The following FGF12 variants were observed in gnomAD, a reference collection of about 807,000 sequenced individuals.
FGF12 encodes fibroblast growth factor 12B.
FGF12 carries 14 observed loss-of-function variants against 23.6 expected under a neutral mutation model. The observed-to-expected ratio is 0.59, with a 90% CI of 0.39 to 0.93. The LOEUF (loss-of-function observed/expected upper bound fraction) is 0.93, where lower values mean the gene tolerates loss of function less well. Among genes scored for constraint, FGF12 ranks in the 40% least tolerant of loss-of-function variants. The pLI is 0.00. For missense variants in FGF12, 175 were observed against 217.8 expected (o/e 0.80, Z 1.24); for synonymous variants, 62 against 77.3 (o/e 0.80, Z 1.04).
chr3:192,519,808 A>G (rs900956182), intron 2 of FGF12, among the ~76,000 whole-genome samples: 1 of 152,160 alleles, frequency 6.6e-6, no homozygotes, highest in African/African-American at 2.4e-5. Flanking sequence ...GGCCTCAAGG[A>G]TATTTATTCT....
chr3:192,726,962 G>T, intron 2 of FGF12: 1 of 600,372 alleles, frequency 1.7e-6, no homozygotes, highest in Non-Finnish European at 2.9e-6. Context: ...AGTTCACTAC[G>T]CAACTGATGG....
chr3:192,608,759 T>A (rs189771408), intron 2 of FGF12, among the ~76,000 whole-genome samples: 1 of 152,292 alleles, frequency 6.6e-6, no homozygotes, highest in East Asian at 1.9e-4. Context: ...AATTCAGCCC[T>A]CTGGGAAAAT....
At chr3:192,652,845 C>T (rs1716263683) in intron 2 of FGF12, among the ~76,000 whole-genome samples, 1 of 152,190 alleles carries the variant, frequency 6.6e-6, no homozygotes, top group Non-Finnish European at 1.5e-5. Context: ...AATCTACAGG[C>T]TAACTTTGTA....
intron 2 of FGF12, among the ~76,000 whole-genome samples, chr3:192,392,104 TAG>T (rs1175688417): frequency 1.3e-5 from 2 of 152,180 alleles, no homozygotes; most frequent in African/African-American, 2.4e-5. Flanking sequence ...GGAACTATTA[TAG>T]AGAGAAGGGA....
At chr3:192,667,291 C>T (rs1716920344) in intron 2 of FGF12, among the ~76,000 whole-genome samples, 1 of 151,978 alleles carries the variant, frequency 6.6e-6, no homozygotes, top group African/African-American at 2.4e-5. Flanking sequence ...GGAAAAAACC[C>T]ACATGAGCAG....
chr3:192,701,063 T>C (rs1319162330), intron 2 of FGF12, among the ~76,000 whole-genome samples: 1 of 152,208 alleles, frequency 6.6e-6, no homozygotes, highest in East Asian at 1.9e-4. Flanking sequence ...TTTTTAAGTC[T>C]GATAAAAGCT....
At position 192,142,942 on chromosome 3, in the gene FGF12, C is replaced by A. The variant is rs1460923; in HGVS notation, c.*1067G>T. The A allele has an allele frequency of 6.6e-6, 1 of 151,830 alleles. No homozygotes were observed. The highest frequency in any genetic ancestry group is 2.4e-5 in the African/African-American group (1 of 41,306). 9.4% of individuals were successfully genotyped at this position (151,830 alleles called of 1,614,324 possible). A position where few individuals can be genotyped will look rare whatever the true frequency, so the allele number is the denominator to read the frequency against. On this transcript the variant is annotated 3_prime_UTR_variant, in exon 6 of 6. Coordinates refer to ENST00000445105, the MANE Select transcript of FGF12 (RefSeq NM_004113.6). Reference sequence around the variant, plus strand: ...ATATAAGACTGTGGTAAGGTACAAACGCAAATGCAATTTGCGTTGACTAAT... The same window carrying A: ...ATATAAGACTGTGGTAAGGTACAAAAGCAAATGCAATTTGCGTTGACTAAT...
At chr3:192,315,508 T>C (rs890232102) in intron 4 of FGF12, among the ~76,000 whole-genome samples, 2 of 152,208 alleles carry the variant, frequency 1.3e-5, no homozygotes, top group African/African-American at 4.8e-5. Context: ...TTTTATGTTG[T>C]ATACTTCCCT....
At chr3:192,672,169 A>C (rs1433500784) in intron 2 of FGF12, among the ~76,000 whole-genome samples, 1 of 139,104 alleles carries the variant, frequency 7.2e-6, no homozygotes, top group Admixed American at 7.2e-5. Flanking sequence ...GTTTCATAGA[A>C]TCTCATAGTT....
At chr3:192,462,712 A>G (rs1379709273) in intron 2 of FGF12, among the ~76,000 whole-genome samples, 1 of 152,204 alleles carries the variant, frequency 6.6e-6, no homozygotes, top group Non-Finnish European at 1.5e-5. Context: ...CACTGAGAGG[A>G]CATTAGGTAC....
At chr3:192,226,193 C>T (rs1262960962) in intron 4 of FGF12, among the ~76,000 whole-genome samples, 2 of 152,148 alleles carry the variant, frequency 1.3e-5, no homozygotes, top group African/African-American at 4.8e-5. Context: ...ACTAAGTGAA[C>T]CATTGCTCTT....
intron 2 of FGF12, among the ~76,000 whole-genome samples, chr3:192,613,843 T>C (rs1024919911): frequency 3.9e-5 from 6 of 151,902 alleles, no homozygotes; most frequent in African/African-American, 1.4e-4. Flanking sequence ...TTTTTTTCAG[T>C]AATTATGCAT....
intron 4 of FGF12, among the ~76,000 whole-genome samples, chr3:192,288,251 T>C (rs1714566262): frequency 6.6e-6 from 1 of 151,922 alleles, no homozygotes; most frequent in Admixed American, 6.6e-5. Flanking sequence ...AACAGAAAAA[T>C]AAATTCACAG....
intron 2 of FGF12, among the ~76,000 whole-genome samples, chr3:192,648,272 A>G (rs1319394598): frequency 6.6e-6 from 1 of 152,154 alleles, no homozygotes; most frequent in Non-Finnish European, 1.5e-5. Flanking sequence ...GAAATGGTCT[A>G]TAACAACTGA....
chr3:192,267,351 C>T (rs1713145019), intron 4 of FGF12, among the ~76,000 whole-genome samples: 1 of 152,062 alleles, frequency 6.6e-6, no homozygotes, highest in Non-Finnish European at 1.5e-5. Context: ...TAGCTGCAGC[C>T]CCCGTCTAAA....
intron 4 of FGF12, among the ~76,000 whole-genome samples, chr3:192,221,277 GC>G (rs139304340): frequency 9.7e-4 from 148 of 152,240 alleles, no homozygotes; most frequent in African/African-American, 3.5e-3. Flanking sequence ...ATGTTCCGGA[GC>G]CTTCTCACCT....
At chr3:192,239,982 G>T (rs79538818) in intron 4 of FGF12, among the ~76,000 whole-genome samples, 3 of 152,128 alleles carry the variant, frequency 2.0e-5, no homozygotes, top group Non-Finnish European at 2.9e-5. Context: ...GGGTGCAGGG[G>T]GGAAGATCCC....
At chr3:192,639,022 T>C (rs1715688694) in intron 2 of FGF12, among the ~76,000 whole-genome samples, 2 of 152,152 alleles carry the variant, frequency 1.3e-5, no homozygotes, top group South Asian at 4.1e-4. Context: ...AACCTATGAA[T>C]TGGGAAAAAA....
chr3:192,446,978 A>C (rs1452274095), intron 2 of FGF12, among the ~76,000 whole-genome samples: 1 of 152,172 alleles, frequency 6.6e-6, no homozygotes, highest in Non-Finnish European at 1.5e-5. Context: ...GCTTAAACAA[A>C]ACTTTAGCAG....
Sources: gnomAD v4.1 joint callset for allele counts (sites outside exome capture counted in the v4.1 genomes callset) on GRCh38, gnomAD v4.1.1 for gene constraint, MANE v1.5 for transcripts, NCBI Gene and HGNC (gene_info 2026-07-23, HGNC 2026-07-21) for gene names.